The following CLVS1 variants were observed in gnomAD, a reference collection of about 807,000 sequenced individuals.
CLVS1 encodes clavesin 1, also known as clavesin-1.
A neutral mutation model predicts 33.1 loss-of-function variants in CLVS1; 10 were observed. The ratio of observed to expected loss-of-function variants is 0.30; its 90% CI spans 0.19 to 0.51. The LOEUF (loss-of-function observed/expected upper bound fraction) is 0.51. CLVS1 is among the 20% of genes least tolerant of loss of function. The pLI, the probability that CLVS1 is intolerant of heterozygous loss-of-function variation, is 0.97. For synonymous variants in CLVS1, 163 were observed against 166.1 expected (o/e 0.98, Z 0.14); for missense variants, 343 against 433.4 (o/e 0.79, Z 1.85).
chr8:61,287,126 A>G (rs546794199), upstream of CLVS1, among the ~76,000 whole-genome samples: 3 of 152,366 alleles, frequency 2.0e-5, no homozygotes, highest in South Asian at 2.1e-4. Context: ...GACACTGGAT[A>G]TACATTGTGA....
intron 2 of CLVS1, among the ~76,000 whole-genome samples, chr8:61,323,268 A>C (rs1209493173): frequency 6.6e-6 from 1 of 152,134 alleles, no homozygotes; most frequent in African/African-American, 2.4e-5. Flanking sequence ...GCAGTTCTTC[A>C]AGAGGGCAAA....
At chr8:61,410,766 C>T (rs1277149064) in intron 3 of CLVS1, among the ~76,000 whole-genome samples, 1 of 152,120 alleles carries the variant, frequency 6.6e-6, no homozygotes, top group African/African-American at 2.4e-5. Context: ...CTCAGCCTCC[C>T]GAGTAGCTGG....
At chr8:61,030,744 TC>T in the CLVS1 span, among the ~76,000 whole-genome samples, 1 of 152,130 alleles carries the variant, frequency 6.6e-6, no homozygotes, top group African/African-American at 2.4e-5. Context: ...GCTGAGAAAA[TC>T]CCTGCCTAAA....
intron 2 of CLVS1, among the ~76,000 whole-genome samples, chr8:61,319,283 T>A (rs1811115719): frequency 6.6e-6 from 1 of 152,220 alleles, no homozygotes; most frequent in African/African-American, 2.4e-5. Context: ...GTACCCATTT[T>A]TATATTGCTT....
chr8:61,326,030 G>A (rs936592028), intron 2 of CLVS1, among the ~76,000 whole-genome samples: 2 of 152,104 alleles, frequency 1.3e-5, no homozygotes, highest in Admixed American at 6.6e-5. Flanking sequence ...TTCATGACAC[G>A]AGTTGCCTTT....
At chr8:60,977,821 C>T in the CLVS1 span, among the ~76,000 whole-genome samples, 1 of 149,452 alleles carries the variant, frequency 6.7e-6, no homozygotes, top group African/African-American at 2.5e-5. Context: ...TCAATGAACT[C>T]CAAGAGGCAT....
chr8:61,336,198 AT>A lies in CLVS1; in HGVS notation c.455+35917del, dbSNP rs1283124818. Among the ~76,000 whole-genome samples, 12 of 152,268 alleles carry A rather than the reference AT, an allele frequency of 7.9e-5. No homozygotes were observed. In the East Asian group the frequency reaches 2.3e-3, roughly 29 times the overall value. On this transcript the variant is annotated intron_variant, in intron 2 of 5. Transcript: ENST00000325897. ...TTCCTTCAGGATACAGTCTCACCAT[AT>A]ATCCTCCTTGAGAACATGCAGGATT...
At chr8:61,456,129 T>G (rs1237286368) in intron 4 of CLVS1, among the ~76,000 whole-genome samples, 1 of 152,322 alleles carries the variant, frequency 6.6e-6, no homozygotes, top group African/African-American at 2.4e-5. Flanking sequence ...CTTGCTGCCA[T>G]GCCATAGGTG....
At chr8:61,367,786 A>G (rs1269854004) in intron 2 of CLVS1, among the ~76,000 whole-genome samples, 1 of 152,222 alleles carries the variant, frequency 6.6e-6, no homozygotes, top group Non-Finnish European at 1.5e-5. Flanking sequence ...GCCGAACTCT[A>G]AATCCTCATT....
intron 2 of CLVS1, among the ~76,000 whole-genome samples, chr8:61,207,073 A>C (rs1807864334): frequency 6.6e-6 from 1 of 152,186 alleles, no homozygotes; most frequent in Admixed American, 6.5e-5. Flanking sequence ...CTTTGTACTG[A>C]GGGAGCCTGC....
At chr8:61,339,191 T>C (rs1297946424) in intron 2 of CLVS1, among the ~76,000 whole-genome samples, 2 of 152,142 alleles carry the variant, frequency 1.3e-5, no homozygotes, top group East Asian at 3.9e-4. Flanking sequence ...CCTTCCCTCA[T>C]CCTCTGTAAG....
intron 2 of CLVS1, among the ~76,000 whole-genome samples, chr8:61,266,391 C>T (rs1223478345): frequency 6.6e-6 from 1 of 151,580 alleles, no homozygotes. Flanking sequence ...GCTTGTTAAC[C>T]AGATTTGGTT....
chr8:61,030,534 G>GT, the CLVS1 span, among the ~76,000 whole-genome samples: 1 of 152,158 alleles, frequency 6.6e-6, no homozygotes, highest in Non-Finnish European at 1.5e-5. Context: ...TGTAGCACTG[G>GT]TTAATACTGG....
chr8:61,194,141 G>C (rs1240123489), intron 2 of CLVS1, among the ~76,000 whole-genome samples: 1 of 151,922 alleles, frequency 6.6e-6, no homozygotes, highest in Non-Finnish European at 1.5e-5. Flanking sequence ...AAGGAAGAAG[G>C]CATGATAAAG....
intron 2 of CLVS1, among the ~76,000 whole-genome samples, chr8:61,150,249 C>T (rs1414316715): frequency 6.6e-6 from 1 of 152,098 alleles, no homozygotes; most frequent in Non-Finnish European, 1.5e-5. Flanking sequence ...CTTCTCCAAG[C>T]CCAGGAATGC....
At chr8:61,344,372 A>G (rs1205155600) in intron 2 of CLVS1, among the ~76,000 whole-genome samples, 3 of 152,154 alleles carry the variant, frequency 2.0e-5, no homozygotes, top group African/African-American at 4.8e-5. Context: ...CAGATCCAAC[A>G]TCCAGATTCC....
At chr8:61,187,978 G>A (rs1250744308) in intron 2 of CLVS1, among the ~76,000 whole-genome samples, 1 of 151,970 alleles carries the variant, frequency 6.6e-6, no homozygotes, top group Non-Finnish European at 1.5e-5. Context: ...GAACAGCAAC[G>A]CAGAAAAATT....
intron 3 of CLVS1, among the ~76,000 whole-genome samples, chr8:61,450,742 A>G (rs1467471143): frequency 1.3e-5 from 2 of 152,220 alleles, no homozygotes; most frequent in African/African-American, 4.8e-5. Context: ...AATAGTTATT[A>G]CATTCAATTA....
the CLVS1 span, among the ~76,000 whole-genome samples, chr8:60,994,472 C>G: frequency 1.1e-3 from 173 of 152,310 alleles, no homozygotes; most frequent in African/African-American, 3.9e-3. Flanking sequence ...CATGTCCCCG[C>G]ACTGTGTTTT....
Sources: allele counts gnomAD v4.1 joint callset (sites outside exome capture counted in the v4.1 genomes callset), GRCh38; gene constraint gnomAD v4.1.1; transcripts MANE v1.5; gene names NCBI Gene and HGNC (gene_info 2026-07-23, HGNC 2026-07-21).